The following TMEM67 variants were observed in gnomAD, a reference collection of about 807,000 sequenced individuals.
TMEM67 encodes transmembrane protein 67.
Under a neutral mutation model 136.6 loss-of-function variants are expected in TMEM67, and 124 were observed. The ratio of observed to expected loss-of-function variants is 0.91; its 90% confidence interval spans 0.78 to 1.05. The LOEUF is 1.05. TMEM67 is among the 50% of genes least tolerant of loss of function. TMEM67 has a pLI of 0.00. For missense variants in TMEM67, 1,107 were observed against 1,178.4 expected (o/e 0.94, Z 0.89); for synonymous variants, 364 against 390.5 (o/e 0.93, Z 0.80).
the TMEM67 span, among the ~76,000 whole-genome samples, chr8:93,828,517 A>G: frequency 6.6e-6 from 1 of 152,210 alleles, no homozygotes. Flanking sequence ...AGGTGGGTGG[A>G]TTGCTTGAGG....
At chr8:93,797,515 A>G in intron 20 of TMEM67, 45 bp downstream of exon 20, 1 of 1,559,812 alleles carries the variant, frequency 6.4e-7, no homozygotes, top group Non-Finnish European at 8.8e-7. Flanking sequence ...CATGTACCTT[A>G]TAAATATTAA....
intron 7 of TMEM67, among the ~76,000 whole-genome samples, chr8:93,779,397 T>C (rs1306756908): frequency 6.6e-6 from 1 of 152,336 alleles, no homozygotes; most frequent in East Asian, 1.9e-4. Flanking sequence ...TTTGTTCTGT[T>C]GCTGGTGAGG....
In TMEM67 at chr8:93,780,793, T is replaced by A. The variant is rs753433612; in HGVS notation, c.869+46T>A. ...GAAATGTTATTTTGACTGAATTCAG[T>A]GCAGTTATTAATATATTCACAAATA... On this transcript the variant is annotated intron_variant, in intron 8 of 27. Transcript: ENST00000453321. 13 of 1,607,564 alleles carry A rather than the reference T, an allele frequency of 8.1e-6. No individual in the cohort carries two copies. The South Asian group carries it at 1.4e-4, about 18-fold the overall frequency.
At chr8:93,829,846 G>A in the TMEM67 span, among the ~76,000 whole-genome samples, 2 of 152,218 alleles carry the variant, frequency 1.3e-5, no homozygotes, top group Admixed American at 6.5e-5. Context: ...TTAGGCCTCA[G>A]AATCAGGCCT....
intron 23 of TMEM67, among the ~76,000 whole-genome samples, chr8:93,808,387 A>G (rs1055557124): frequency 4.2e-4 from 39 of 93,138 alleles, no homozygotes; most frequent in African/African-American, 1.4e-3. Flanking sequence ...AAATATTTAT[A>G]TATTATATAT....
chr8:93,797,008 G>A (rs1273442991), intron 18 of TMEM67, 126 bp from the exon 19 acceptor site: 1 of 690,436 alleles, frequency 1.4e-6, no homozygotes, highest in African/African-American at 1.8e-5. Context: ...ATAACTTCAT[G>A]TGAATTCACT....
At chr8:93,826,120 T>C in the TMEM67 span, among the ~76,000 whole-genome samples, 1 of 142,488 alleles carries the variant, frequency 7.0e-6, no homozygotes, top group Admixed American at 7.7e-5. Context: ...TTGTTAATCA[T>C]GTCTTTTTTT....
chr8:93,755,751 C>CTTTTTTTTTTTTTTTTTTTTTTTTTGT, intron 1 of TMEM67, 27 bp from the exon 2 acceptor site: 1 of 632,468 alleles, frequency 1.6e-6, no homozygotes, highest in Non-Finnish European at 2.4e-6. Flanking sequence ...ATAAAATTGG[C>CTTTTTTTTTTTTTTTTTTTTTTTTTGT]TTTTTTTTTT....
Position 93,755,037 on chromosome 8 carries a change from C to A in TMEM67, c.123C>A (p.Phe41Leu). 7 of 1,614,222 alleles carry A rather than the reference C, an allele frequency of 4.3e-6. No homozygotes were observed. Among genetic ancestry groups the A allele is most frequent in the Non-Finnish European group, 5.1e-6 (6 of 1,180,042 alleles). ...PRFLQAQTFS[F>L]PFQQPEKCDN... ...TCTTACAGGCCCAGACCTTCTCTTTCCCTTTCCAGCAGCCGGAGAAGTGCG... is the reference window on the plus strand; with the variant it reads ...TCTTACAGGCCCAGACCTTCTCTTTACCTTTCCAGCAGCCGGAGAAGTGCG... Residue 41 changes from phenylalanine to leucine, a missense_variant, in exon 1 of 28, where the codon TTC becomes TTA. Transcript: ENST00000453321.
chr8:93,826,056 G>A, the TMEM67 span, among the ~76,000 whole-genome samples: 1 of 149,904 alleles, frequency 6.7e-6, no homozygotes, highest in South Asian at 2.1e-4. Flanking sequence ...GCTATCTTGG[G>A]AAGTATAACT....
intron 26 of TMEM67, among the ~76,000 whole-genome samples, chr8:93,811,884 T>C (rs2130789358): frequency 6.6e-6 from 1 of 151,738 alleles, no homozygotes; most frequent in African/African-American, 2.4e-5. Flanking sequence ...GTGCGGTGGC[T>C]CATGCCTGTA....
chr8:93,779,733 C>T (rs1022552497), intron 7 of TMEM67, among the ~76,000 whole-genome samples: 2 of 152,148 alleles, frequency 1.3e-5, no homozygotes, highest in Admixed American at 1.3e-4. Context: ...CTGCCTGATC[C>T]TTCCTCTGGA....
chr8:93,763,041 G>T, intron 3 of TMEM67: 1 of 328,888 alleles, frequency 3.0e-6, no homozygotes, highest in South Asian at 2.2e-5. Flanking sequence ...TCATGCCTCA[G>T]ACACTTGAGT....
the TMEM67 span, among the ~76,000 whole-genome samples, chr8:93,827,874 G>C: frequency 6.6e-6 from 1 of 151,948 alleles, no homozygotes; most frequent in East Asian, 1.9e-4. Context: ...GCAAGCAGAA[G>C]TCTGCTGATG....
At chr8:93,760,786 T>C (rs1333725696) in intron 3 of TMEM67, among the ~76,000 whole-genome samples, 3 of 152,012 alleles carry the variant, frequency 2.0e-5, no homozygotes, top group Admixed American at 6.6e-5. Flanking sequence ...AGAAAAATAT[T>C]AATGCATACA....
Position 93,808,825 on chromosome 8 carries a change from T to G in TMEM67, c.2440-15T>G. 1 of 1,529,650 alleles carries G rather than the reference T, an allele frequency of 6.5e-7. No individual in the cohort carries two copies. 94.8% of individuals were successfully genotyped at this position (1,529,650 alleles called of 1,614,324 possible). A position where few individuals can be genotyped will look rare whatever the true frequency, so the allele number is the denominator to read the frequency against. ...TTATAATTTTGATCTTAACTTAAAT[T>G]CTTTAACTTTTCAGGAAAATTTGTG... On this transcript the variant is annotated splice_polypyrimidine_tract_variant and intron_variant, in intron 23 of 27. Coordinates refer to ENST00000453321, the MANE Select transcript of TMEM67 (RefSeq NM_153704.6).
At chr8:93,815,536 T>C in intron 27 of TMEM67, 89 bp downstream of exon 27, 5 of 1,216,758 alleles carry the variant, frequency 4.1e-6, no homozygotes, top group Admixed American at 2.0e-5. Flanking sequence ...AGAGTAACAA[T>C]GTCTACTTTT....
chr8:93,762,311 C>A (rs1812879563), intron 3 of TMEM67, among the ~76,000 whole-genome samples: 1 of 151,596 alleles, frequency 6.6e-6, no homozygotes, highest in African/African-American at 2.4e-5. Context: ...CATATATTAC[C>A]CAAAGATTAA....
chr8:93,776,429 C>T (rs1586033505), intron 7 of TMEM67, among the ~76,000 whole-genome samples: 1 of 152,120 alleles, frequency 6.6e-6, no homozygotes, highest in African/African-American at 2.4e-5. Flanking sequence ...TGTCTTGTGC[C>T]AGTTTTCAAA....
Sources: gnomAD v4.1 joint callset for allele counts (sites outside exome capture counted in the v4.1 genomes callset) on GRCh38, gnomAD v4.1.1 for gene constraint, MANE v1.5 for transcripts, NCBI Gene and HGNC (gene_info 2026-07-23, HGNC 2026-07-21) for gene names.